The following NF2 variants were observed in gnomAD, a reference collection of about 807,000 sequenced individuals.
NF2 encodes merlin.
NF2 carries 8 observed loss-of-function variants against 83.7 expected under a neutral mutation model. The observed-to-expected ratio is 0.10, with a 90% CI of 0.06 to 0.17. The LOEUF (loss-of-function observed/expected upper bound fraction) is 0.17. NF2 is among the 10% of genes least tolerant of loss of function. The pLI is 1.00. For missense variants in NF2, 533 were observed against 744.4 expected (o/e 0.72, Z 3.31); for synonymous variants, 266 against 269.6 (o/e 0.99, Z 0.13).
rs2067484105 is a variant in NF2, at chr22:29,694,256, CT to C, written c.1738-494del. 6.6e-6 allele frequency among the ~76,000 whole-genome samples: 1 copy of C among 152,214 alleles called. No homozygotes were observed. The highest frequency in any genetic ancestry group is 1.5e-5 in the Non-Finnish European group (1 of 68,024). Reference sequence around the variant, plus strand: ...AAACCAGGAGTAGAAGGGGTAAACTCTTCCTCATCTGCCACAGGCCTGCCTT... The same window carrying C: ...AAACCAGGAGTAGAAGGGGTAAACTCTCCTCATCTGCCACAGGCCTGCCTT... On this transcript the variant is annotated intron_variant, in intron 15 of 15. Coordinates refer to ENST00000338641, the MANE Select transcript of NF2 (RefSeq NM_000268.4). This position sits in a 1 kb window ranked among gnomAD's most constrained non-coding sequence, Gnocchi z 4.1.
intron 1 of NF2, among the ~76,000 whole-genome samples, chr22:29,611,975 T>C (rs1658821623): frequency 6.6e-6 from 1 of 152,216 alleles, no homozygotes; most frequent in Admixed American, 6.5e-5. Flanking sequence ...AAACTTATAC[T>C]CTAAAAGCTG....
At position 29,673,319 on chromosome 22, in the gene NF2, C is replaced by T. The variant is rs769454739; in HGVS notation, c.1173C>T (p.Thr391=). Residue 391 remains threonine (T), a synonymous_variant, in exon 12 of 16, where the codon ACC becomes ACT. Transcript: ENST00000338641. ...ADLLAEKAQI[T]EEEAKLLAQK... ...TGTTGGCTGAAAAGGCCCAGATCACCGAGGAGGAGGCAAAACTTCTGGCCC... is the reference window on the plus strand; with the variant it reads ...TGTTGGCTGAAAAGGCCCAGATCACTGAGGAGGAGGCAAAACTTCTGGCCC... 1.8e-5 allele frequency: 29 copies of T among 1,596,746 alleles called. No homozygotes were observed. Among genetic ancestry groups the T allele is most frequent in the Admixed American group, 3.6e-5 (2 of 56,232 alleles).
intron 9 of NF2, among the ~76,000 whole-genome samples, chr22:29,665,623 G>A (rs1306055703): frequency 6.6e-6 from 1 of 151,938 alleles, no homozygotes; most frequent in African/African-American, 2.4e-5. Flanking sequence ...GAATTATAAA[G>A]AATAACAAAA....
chr22:29,613,303 GCAGATCACTTGAGGA>G (rs1255796556), intron 1 of NF2, among the ~76,000 whole-genome samples: 1 of 152,152 alleles, frequency 6.6e-6, no homozygotes, highest in Non-Finnish European at 1.5e-5. Flanking sequence ...GCCAAGGCAG[GCAGATCACTTGAGGA>G]CAGGAGTTCG....
At chr22:29,615,771 C>CTG (rs2065067189) in intron 1 of NF2, among the ~76,000 whole-genome samples, 1 of 152,134 alleles carries the variant, frequency 6.6e-6, no homozygotes, top group Non-Finnish European at 1.5e-5. Context: ...GGCAGTTCCT[C>CTG]AAACAGTTAA....
intron 1 of NF2, chr22:29,608,878 C>T: frequency 2.1e-6 from 1 of 473,370 alleles, no homozygotes; most frequent in Non-Finnish European, 3.9e-6. Context: ...CGTGGGGTAA[C>T]TTGCCCTTGG....
intron 4 of NF2, among the ~76,000 whole-genome samples, chr22:29,644,288 G>A (rs1199145943): frequency 9.1e-4 from 136 of 149,408 alleles, no homozygotes; most frequent in Admixed American, 2.7e-3. Context: ...AGACGGGGCG[G>A]CGGGGCAGAG....
intron 6 of NF2, among the ~76,000 whole-genome samples, chr22:29,657,692 C>T (rs531638053): frequency 3.7e-4 from 57 of 152,320 alleles, no homozygotes; most frequent in African/African-American, 1.3e-3. Context: ...TGAAGGTGAT[C>T]TGACTTGGGT....
At chr22:29,677,518 C>T (rs1193789231) in intron 13 of NF2, among the ~76,000 whole-genome samples, 3 of 151,420 alleles carry the variant, frequency 2.0e-5, no homozygotes, top group Non-Finnish European at 2.9e-5. Flanking sequence ...AAAAAAACTA[C>T]ACCACCCCTG....
chr22:29,690,524 G>A (rs2067376988), intron 15 of NF2, among the ~76,000 whole-genome samples: 1 of 152,174 alleles, frequency 6.6e-6, no homozygotes, highest in Non-Finnish European at 1.5e-5. Flanking sequence ...TGGGCAGGAA[G>A]TAAAAGCCAG....
At chr22:29,619,211 AT>A (rs1374533633) in intron 1 of NF2, among the ~76,000 whole-genome samples, 1 of 151,886 alleles carries the variant, frequency 6.6e-6, no homozygotes, top group East Asian at 1.9e-4. Context: ...CGCCCTGCTA[AT>A]TTTTAGATTT....
intron 1 of NF2, among the ~76,000 whole-genome samples, chr22:29,629,085 C>A (rs1236627620): frequency 6.6e-6 from 1 of 152,024 alleles, no homozygotes; most frequent in Non-Finnish European, 1.5e-5. Context: ...GTCCTGTGAT[C>A]TATTTCTATT....
intron 11 of NF2, among the ~76,000 whole-genome samples, chr22:29,672,985 A>C (rs1291488405): frequency 1.3e-5 from 2 of 152,228 alleles, no homozygotes; most frequent in Admixed American, 1.3e-4. Context: ...AAAGGGAAAG[A>C]ACAGAGTTTA....
At chr22:29,665,540 A>G (rs2066596474) in intron 9 of NF2, among the ~76,000 whole-genome samples, 1 of 152,172 alleles carries the variant, frequency 6.6e-6, no homozygotes, top group African/African-American at 2.4e-5. Flanking sequence ...CACTGCGCCC[A>G]GCCGATGAGG....
In NF2 at chr22:29,692,388, G is replaced by A. The variant is rs538729388; in HGVS notation, c.1738-2364G>A. 7.6e-4 allele frequency among the ~76,000 whole-genome samples: 116 copies of A among 152,318 alleles called. 2 individuals are homozygous for A. The highest frequency in any genetic ancestry group is 2.7e-3 in the African/African-American group (114 of 41,558). ...GCAGTGCAGCTCAGGTGGGGCTCAG[G>A]AAGCACCCCACCCACCCCAGAGCAC... On this transcript the variant is annotated intron_variant, in intron 15 of 15. Coordinates refer to ENST00000338641, the MANE Select transcript of NF2 (RefSeq NM_000268.4).
intron 1 of NF2, among the ~76,000 whole-genome samples, chr22:29,606,818 G>A (rs141822752): frequency 6.6e-4 from 100 of 152,318 alleles, no homozygotes; most frequent in African/African-American, 2.3e-3. Flanking sequence ...GGCTGAGGCA[G>A]GCAGATCATC....
At chr22:29,629,020 C>T (rs991761432) in intron 1 of NF2, among the ~76,000 whole-genome samples, 2 of 152,128 alleles carry the variant, frequency 1.3e-5, no homozygotes, top group African/African-American at 4.8e-5. Flanking sequence ...TCTCTCTCCC[C>T]ACTCCCCTCT....
intron 1 of NF2, among the ~76,000 whole-genome samples, chr22:29,615,733 T>C (rs1019730817): frequency 1.3e-5 from 2 of 152,010 alleles, no homozygotes; most frequent in African/African-American, 4.8e-5. Flanking sequence ...AGACCCAGTC[T>C]CAAAAAAGAT....
rs930303532 is a variant in NF2 at position 29,698,408 on chromosome 22, C to G, written c.*3606C>G. ...AGGGAGACAGCCTGGCCCAGTGACC[C>G]TGGGCCCAAGCCAGCCCCTCCAGGG... is the stretch of plus-strand genomic sequence containing the variant. On this transcript the variant is annotated 3_prime_UTR_variant, in exon 16 of 16. Transcript: ENST00000338641. 1 of 221,036 alleles carries G rather than the reference C, an allele frequency of 4.5e-6. No homozygotes were observed. Among genetic ancestry groups the G allele is most frequent in the African/African-American group, 2.2e-5 (1 of 44,600 alleles). 13.7% of individuals were successfully genotyped at this position (221,036 alleles called of 1,614,324 possible).
Sources: gnomAD v4.1 joint callset for allele counts (sites outside exome capture counted in the v4.1 genomes callset) on GRCh38, gnomAD v4.1.1 for gene constraint, Gnocchi (gnomAD v3.1) non-coding constraint, MANE v1.5 for transcripts, NCBI Gene and HGNC (gene_info 2026-07-23, HGNC 2026-07-21) for gene names.